The following SEPTIN9 variants were observed in gnomAD, a reference collection of about 807,000 sequenced individuals.
SEPTIN9 encodes septin 9.
A neutral mutation model predicts 56.6 loss-of-function variants in SEPTIN9; 13 were observed. That is an observed-to-expected ratio of 0.23 (90% CI 0.15 to 0.37). SEPTIN9 has a LOEUF of 0.37. Among genes scored for constraint, SEPTIN9 ranks in the 10% least tolerant of loss-of-function variants. The pLI, the probability that SEPTIN9 is intolerant of heterozygous loss-of-function variation, is 1.00. For synonymous variants in SEPTIN9, 332 were observed against 334.1 expected, an observed-to-expected ratio of 0.99 and a Z score of 0.07; for missense variants, 650 against 823.1, an observed-to-expected ratio of 0.79 and a Z score of 2.57.
Position 77,492,484 on chromosome 17 carries a change from G to T in SEPTIN9, c.1381-137G>T. ...GGAGGCACAGGAGTTGGAGGTGATT[G>T]GTGTCACAGCCCCCCAGAGCCTGCC... On this transcript the variant is annotated intron_variant, in intron 8 of 11. Coordinates refer to ENST00000427177, the MANE Select transcript of SEPTIN9 (RefSeq NM_001113491.2). This position sits in a 1 kb window ranked among gnomAD's most constrained non-coding sequence, Gnocchi z 5.4. 3 of 771,640 alleles carry T rather than the reference G, an allele frequency of 3.9e-6. No homozygotes were observed. Among genetic ancestry groups the T allele is most frequent in the East Asian group, 2.5e-5 (1 of 40,424 alleles). 47.8% of individuals were successfully genotyped at this position (771,640 alleles called of 1,614,324 possible).
At position 77,490,763 on chromosome 17, in the gene SEPTIN9, G is replaced by A. The variant is rs751128973; in HGVS notation, c.1284G>A (p.Glu428=). The change falls in exon 8 of 12, where the codon GAG becomes GAA. Residue 428 remains glutamate (E), a synonymous_variant. Coordinates refer to ENST00000427177, the MANE Select transcript of SEPTIN9 (RefSeq NM_001113491.2). ...TGHSLRPLDI[E]FMKRLSKVVN... ...TCAGCCTCAGGCCCCTGGACATCGA[G>A]TTTATGAAACGCCTGAGCAAGGTGG... 8.2e-6 allele frequency: 13 copies of A among 1,582,550 alleles called. No individual in the cohort carries two copies. Among genetic ancestry groups the A allele is most frequent in the South Asian group, 1.2e-5 (1 of 86,458 alleles).
In SEPTIN9 at chr17:77,310,216, A is replaced by G. The variant is rs552526460; in HGVS notation, c.76+3019A>G. ...AGGCTGGTCTCATACCCCTGACCTC[A>G]GGTGATCCACCTGCCTTGGCCTCCC... On this transcript the variant is annotated intron_variant, in intron 2 of 11. Transcript: ENST00000427177. The surrounding 1 kb of genome is among the most constrained non-coding windows in gnomAD (Gnocchi z 4.7). Among the ~76,000 whole-genome samples the G allele has an allele frequency of 5.9e-5, 9 of 152,254 alleles. No individual in the cohort carries two copies. The highest frequency in any genetic ancestry group is 1.9e-4 in the African/African-American group (8 of 41,548).
chr17:77,474,680 G>A (rs2039137113), intron 3 of SEPTIN9, among the ~76,000 whole-genome samples: 1 of 152,146 alleles, frequency 6.6e-6, no homozygotes. Context: ...CTGGGGAGGG[G>A]GTCAGCAGCC....
intron 2 of SEPTIN9, among the ~76,000 whole-genome samples, chr17:77,370,578 G>A (rs991587216): frequency 6.6e-6 from 1 of 152,206 alleles, no homozygotes; most frequent in Non-Finnish European, 1.5e-5. Flanking sequence ...GACGCAGGCG[G>A]TCCCTTTGGC....
chr17:77,317,655 A>G lies in SEPTIN9; in HGVS notation c.76+10458A>G, dbSNP rs1454641861. 6.6e-6 allele frequency among the ~76,000 whole-genome samples: 1 copy of G among 152,150 alleles called. No individual in the cohort carries two copies. Among genetic ancestry groups the G allele is most frequent in the African/African-American group, 2.4e-5 (1 of 41,404 alleles). ...GAGTTGTATAATTATCTCATTATATATTATAATAATAATAGAAATAAAGTG... is the reference window on the plus strand; with the variant it reads ...GAGTTGTATAATTATCTCATTATATGTTATAATAATAATAGAAATAAAGTG... On this transcript the variant is annotated intron_variant, in intron 2 of 11. Coordinates refer to ENST00000427177, the MANE Select transcript of SEPTIN9 (RefSeq NM_001113491.2). This position sits in a 1 kb window ranked among gnomAD's most constrained non-coding sequence, Gnocchi z 4.2.
rs1435787079 is a variant in SEPTIN9, at chr17:77,429,339, CCTGG to C, written c.721+26640_721+26643del. The C allele has an allele frequency of 2.2e-6, 1 of 463,782 alleles. No individual in the cohort carries two copies. The highest frequency in any genetic ancestry group is 1.6e-5 in the South Asian group (1 of 63,932). The allele number at this position is 463,782 out of a possible 1,614,324, so 28.7% of individuals were successfully genotyped here. ...CGCCACGACTGGCTCCTGCAGCCCA[CCTGG>C]CTGAGAGGTGTGCTGGCTCTCGCAG... On this transcript the variant is annotated intron_variant, in intron 3 of 11. Coordinates refer to ENST00000427177, the MANE Select transcript of SEPTIN9 (RefSeq NM_001113491.2). This position sits in a 1 kb window ranked among gnomAD's most constrained non-coding sequence, Gnocchi z 5.2.
In SEPTIN9 at chr17:77,456,793, C is replaced by G. The variant is rs976511800; in HGVS notation, c.722-25351C>G. ...CGGGTCCCCATGGCCAGTACCAGGT[C>G]TCAGGGACCAGCGCTGGGTCCCCAC... On this transcript the variant is annotated intron_variant, in intron 3 of 11. Coordinates refer to ENST00000427177, the MANE Select transcript of SEPTIN9 (RefSeq NM_001113491.2). This position sits in a 1 kb window ranked among gnomAD's most constrained non-coding sequence, Gnocchi z 6.0. Among the ~76,000 whole-genome samples the G allele has an allele frequency of 3.9e-5, 6 of 152,146 alleles. No homozygotes were observed. The highest frequency in any genetic ancestry group is 6.5e-5 in the Admixed American group (1 of 15,276).
chr17:77,475,254 TG>T lies in SEPTIN9; in HGVS notation c.722-6886del. ...ACACATCATTATTCAGTTACCATCG[TG>T]GGGAGACTGTCTGGACGCAGAGAGC... is the stretch of plus-strand genomic sequence containing the variant. On this transcript the variant is annotated intron_variant, in intron 3 of 11. Coordinates refer to ENST00000427177, the MANE Select transcript of SEPTIN9 (RefSeq NM_001113491.2). The surrounding 1 kb of genome is among the most constrained non-coding windows in gnomAD (Gnocchi z 4.6). 2 of 1,368,372 alleles carry T rather than the reference TG, an allele frequency of 1.5e-6. No individual in the cohort carries two copies. Among genetic ancestry groups the T allele is most frequent in the Non-Finnish European group, 9.4e-7 (1 of 1,060,890 alleles). 84.8% of individuals were successfully genotyped at this position (1,368,372 alleles called of 1,614,324 possible).
chr17:77,293,706 C>G (rs1433640374), intron 1 of SEPTIN9, among the ~76,000 whole-genome samples: 2 of 152,176 alleles, frequency 1.3e-5, no homozygotes, highest in Non-Finnish European at 2.9e-5. Flanking sequence ...AGAAGAGTAC[C>G]AGTCAACTGT....
At chr17:77,311,201 T>G (rs895401459) in intron 2 of SEPTIN9, among the ~76,000 whole-genome samples, 1 of 150,826 alleles carries the variant, frequency 6.6e-6, no homozygotes, top group African/African-American at 2.5e-5. Flanking sequence ...AGGGAGCGTC[T>G]GGGAAGAGGC....
At chr17:77,296,624 C>T (rs192679544) in intron 1 of SEPTIN9, among the ~76,000 whole-genome samples, 247 of 152,140 alleles carry the variant, frequency 1.6e-3, no homozygotes, top group Middle Eastern at 3.4e-3. Context: ...AGGCTGAGGC[C>T]GGTGGATCAC....
rs956090373 is a variant in SEPTIN9 at position 77,456,415 on chromosome 17, G to C, written c.722-25729G>C. ...AGTGGAGGAAGGTGCCGTGGCTAGGGCAGGCCACACGCTGTGCTAATGGAT... is the reference window on the plus strand; with the variant it reads ...AGTGGAGGAAGGTGCCGTGGCTAGGCCAGGCCACACGCTGTGCTAATGGAT... On this transcript the variant is annotated intron_variant, in intron 3 of 11. Transcript: ENST00000427177. This position sits in a 1 kb window ranked among gnomAD's most constrained non-coding sequence, Gnocchi z 6.0. The C allele has an allele frequency of 2.0e-5, 3 of 152,346 alleles. No individual in the cohort carries two copies. Among genetic ancestry groups the C allele is most frequent in the Non-Finnish European group, 4.4e-5 (3 of 68,148 alleles). 9.4% of individuals were successfully genotyped at this position (152,346 alleles called of 1,614,324 possible).
intron 2 of SEPTIN9, among the ~76,000 whole-genome samples, chr17:77,346,569 A>T (rs1217074136): frequency 6.6e-6 from 1 of 152,028 alleles, no homozygotes; most frequent in African/African-American, 2.4e-5. Context: ...TGCTTTTAAA[A>T]TTTGAGACTT....
intron 3 of SEPTIN9, among the ~76,000 whole-genome samples, chr17:77,457,786 T>G (rs1006747398): frequency 2.0e-5 from 3 of 152,260 alleles, no homozygotes; most frequent in African/African-American, 7.2e-5. Context: ...GGCACCCTGG[T>G]GCCCTCCCTC....
In SEPTIN9 at chr17:77,429,187, C is replaced by A; in HGVS notation, c.721+26484C>A. The A allele has an allele frequency of 2.1e-6, 1 of 472,056 alleles. No homozygotes were observed. The highest frequency in any genetic ancestry group is 4.4e-6 in the Non-Finnish European group (1 of 227,506). The allele number at this position is 472,056 out of a possible 1,614,324, so 29.2% of individuals were successfully genotyped here. The stretch of plus-strand genomic sequence containing the variant: ...CCTGAGGCCAAGACCAAGGCTGAGG[C>A]CGAGGCTGAGGCTGAGGCCACCTTG... On this transcript the variant is annotated intron_variant, in intron 3 of 11. Transcript: ENST00000427177. The surrounding 1 kb of genome is among the most constrained non-coding windows in gnomAD (Gnocchi z 5.2).
chr17:77,296,784 T>C (rs1288744569), intron 1 of SEPTIN9, among the ~76,000 whole-genome samples: 1 of 151,686 alleles, frequency 6.6e-6, no homozygotes, highest in Non-Finnish European at 1.5e-5. Flanking sequence ...ACCTGGGAGG[T>C]GGAGGTTGCA....
intron 3 of SEPTIN9, among the ~76,000 whole-genome samples, chr17:77,414,238 C>T (rs1263423256): frequency 6.6e-6 from 1 of 151,842 alleles, no homozygotes; most frequent in Non-Finnish European, 1.5e-5. Context: ...ACCACTACGC[C>T]CGGCTAATTT....
intron 2 of SEPTIN9, among the ~76,000 whole-genome samples, chr17:77,324,827 T>TTC (rs2033071224): frequency 6.7e-6 from 1 of 150,220 alleles, no homozygotes; most frequent in Admixed American, 6.6e-5. Context: ...CAATTTTTTT[T>TTC]TTTTTTTTTG....
intron 3 of SEPTIN9, chr17:77,481,848 C>T: frequency 2.2e-6 from 1 of 457,372 alleles, no homozygotes. Context: ...GCGCAGGGGG[C>T]CCCCAGCTTG....
Sources: allele counts gnomAD v4.1 joint callset (sites outside exome capture counted in the v4.1 genomes callset), GRCh38; gene constraint gnomAD v4.1.1; non-coding constraint Gnocchi (gnomAD v3.1); transcripts MANE v1.5; gene names NCBI Gene and HGNC (gene_info 2026-07-23, HGNC 2026-07-21).